GRK5: variants seen among roughly 807,000 people sequenced by gnomAD.
GRK5 encodes the protein G protein-coupled receptor kinase 5, also known as g protein-coupled receptor kinase GRK5.
A neutral mutation model predicts 78.4 loss-of-function variants in GRK5; 40 were observed. The ratio of observed to expected loss-of-function variants is 0.51; its 90% confidence interval spans 0.40 to 0.66. The LOEUF (loss-of-function observed/expected upper bound fraction) is 0.66. Ranked by LOEUF, GRK5 falls within the 30% of genes least tolerant of loss-of-function variation. The pLI is 0.00. For missense variants in GRK5, 598 were observed against 759.9 expected, an observed-to-expected ratio of 0.79 and a Z score of 2.50; for synonymous variants, 289 against 296.8, an observed-to-expected ratio of 0.97 and a Z score of 0.27.
intron 1 of GRK5, among the ~76,000 whole-genome samples, chr10:119,291,734 TCTC>T (rs1849965390): frequency 7.2e-6 from 1 of 139,338 alleles, no homozygotes; most frequent in East Asian, 2.4e-4. Context: ...TCCTCCTTCT[TCTC>T]TTCTTCCTCT....
chr10:119,416,040 G>A (rs1852444660), intron 4 of GRK5, among the ~76,000 whole-genome samples: 1 of 152,196 alleles, frequency 6.6e-6, no homozygotes, highest in African/African-American at 2.4e-5. Context: ...GGTGGCTCTG[G>A]GGAGGCCTCT....
At chr10:119,275,587 G>GCTCTCTCTCTCTCTCT (rs143881383) in intron 1 of GRK5, among the ~76,000 whole-genome samples, 2 of 130,558 alleles carry the variant, frequency 1.5e-5, no homozygotes, top group Non-Finnish European at 3.3e-5. Context: ...GCGTGTGCAC[G>GCTCTCTCTCTCTCTCT]CTCTCTCTCT....
chr10:119,396,176 T>C (rs1852049843), intron 3 of GRK5, among the ~76,000 whole-genome samples: 1 of 152,254 alleles, frequency 6.6e-6, no homozygotes, highest in Non-Finnish European at 1.5e-5. Context: ...AGTGTATACC[T>C]AGGTGCTGGT....
intron 1 of GRK5, among the ~76,000 whole-genome samples, chr10:119,300,864 T>C (rs189753552): frequency 2.0e-4 from 30 of 152,042 alleles, no homozygotes; most frequent in Admixed American, 6.6e-4. Flanking sequence ...AGGCCGAAGG[T>C]GGATCACTTG....
chr10:119,391,518 C>T (rs1321507105), intron 3 of GRK5, among the ~76,000 whole-genome samples: 1 of 152,212 alleles, frequency 6.6e-6, no homozygotes, highest in Non-Finnish European at 1.5e-5. Flanking sequence ...TGCAACACCC[C>T]TGAGCCTCCA....
chr10:119,341,089 C>T (rs374248113), intron 2 of GRK5, among the ~76,000 whole-genome samples: 19 of 152,134 alleles, frequency 1.2e-4, no homozygotes, highest in East Asian at 5.8e-4. Context: ...CTCCAGGTCC[C>T]GATGCCTCGG....
chr10:119,387,838 C>T (rs1851826128), intron 3 of GRK5, among the ~76,000 whole-genome samples: 1 of 152,150 alleles, frequency 6.6e-6, no homozygotes. Context: ...TGGGGTGGCT[C>T]CTGTGTGCCA....
intron 1 of GRK5, among the ~76,000 whole-genome samples, chr10:119,231,160 G>C (rs1192111949): frequency 6.6e-6 from 1 of 152,102 alleles, no homozygotes; most frequent in Non-Finnish European, 1.5e-5. Context: ...GGAAACATTT[G>C]CAAACTGTTC....
chr10:119,442,225 C>A lies in GRK5; in HGVS notation c.1057+137C>A, dbSNP rs189029656. The A allele has an allele frequency of 3.0e-4, 223 of 754,634 alleles. No individual in the cohort carries two copies. The African/African-American group carries it at 3.3e-3, about 11-fold the overall frequency. The allele number at this position is 754,634 out of a possible 1,614,324, so 46.7% of individuals were successfully genotyped here. ...ATCACACACAGAGTCACAGTCTCTG[C>A]AGGGCTGCTGGGGGGCGGCCTTAGC... On this transcript the variant is annotated intron_variant, in intron 11 of 15. Coordinates refer to ENST00000392870, the MANE Select transcript of GRK5 (RefSeq NM_005308.3).
intron 1 of GRK5, among the ~76,000 whole-genome samples, chr10:119,247,924 G>T (rs1238046594): frequency 6.6e-6 from 1 of 152,182 alleles, no homozygotes; most frequent in East Asian, 1.9e-4. Context: ...CTGACATTTG[G>T]TGATAATCTT....
chr10:119,437,128 G>A (rs1314199348), intron 9 of GRK5, among the ~76,000 whole-genome samples: 2 of 152,252 alleles, frequency 1.3e-5, no homozygotes, highest in African/African-American at 4.8e-5. Context: ...AAGTCAAGGA[G>A]GACGGGCCGT....
intron 6 of GRK5, among the ~76,000 whole-genome samples, chr10:119,426,829 TCACCATCATCAGCATCAC>T (rs1852688360): frequency 1.7e-5 from 2 of 117,774 alleles, no homozygotes; most frequent in Admixed American, 9.3e-5. Flanking sequence ...ATCAGCATCA[TCACCATCATCAGCATCAC>T]CACCATCATC....
At chr10:119,285,470 G>A (rs1337071587) in intron 1 of GRK5, among the ~76,000 whole-genome samples, 1 of 152,172 alleles carries the variant, frequency 6.6e-6, no homozygotes, top group Non-Finnish European at 1.5e-5. Context: ...ATCAGGGTTT[G>A]TAACAGTTAA....
At chr10:119,225,076 G>A (rs1303287528) in intron 1 of GRK5, among the ~76,000 whole-genome samples, 1 of 152,180 alleles carries the variant, frequency 6.6e-6, no homozygotes, top group East Asian at 1.9e-4. Flanking sequence ...AAGAATGAGA[G>A]CCAAGAGGGG....
At chr10:119,343,142 C>T (rs768419460) in intron 2 of GRK5, among the ~76,000 whole-genome samples, 1 of 152,170 alleles carries the variant, frequency 6.6e-6, no homozygotes, top group Non-Finnish European at 1.5e-5. Flanking sequence ...GGGTGACAGC[C>T]CTGTGCAAGT....
intron 1 of GRK5, among the ~76,000 whole-genome samples, chr10:119,239,487 C>T (rs1178511223): frequency 6.6e-6 from 1 of 152,154 alleles, no homozygotes; most frequent in African/African-American, 2.4e-5. Flanking sequence ...CCGTCTGCCT[C>T]AGCCTCCCAA....
chr10:119,265,830 C>T (rs1849486953), intron 1 of GRK5, among the ~76,000 whole-genome samples: 1 of 152,380 alleles, frequency 6.6e-6, no homozygotes, highest in Admixed American at 6.5e-5. Context: ...CCACTGGCCA[C>T]ACGCCCTCTC....
At position 119,326,559 on chromosome 10, in the gene GRK5, A is replaced by G. The variant is rs1378197634; in HGVS notation, c.96A>G (p.Glu32=). ...KRKGKSKKWK[E]ILKFPHISQC... Reference sequence around the variant, plus strand: ...AAGGGAAAAGCAAGAAGTGGAAAGAAATCCTGAAGTTCCCTCACATTAGCC... The same window carrying G: ...AAGGGAAAAGCAAGAAGTGGAAAGAGATCCTGAAGTTCCCTCACATTAGCC... The change falls in exon 2 of 16, where the codon GAA becomes GAG. Residue 32 remains glutamate, a synonymous_variant. Transcript: ENST00000392870. 6.2e-7 allele frequency: 1 copy of G among 1,614,186 alleles called. No individual in the cohort carries two copies. The highest frequency in any genetic ancestry group is 8.5e-7 in the Non-Finnish European group (1 of 1,180,008).
At chr10:119,319,973 C>T (rs1850555780) in intron 1 of GRK5, among the ~76,000 whole-genome samples, 1 of 152,256 alleles carries the variant, frequency 6.6e-6, no homozygotes, top group Admixed American at 6.5e-5. Flanking sequence ...GAATTAGCTG[C>T]ACCCGCCTCC....
Sources: allele counts gnomAD v4.1 joint callset (sites outside exome capture counted in the v4.1 genomes callset), GRCh38; gene constraint gnomAD v4.1.1; transcripts MANE v1.5; gene names NCBI Gene and HGNC (gene_info 2026-07-23, HGNC 2026-07-21).